The following SDHA variants were observed in gnomAD, a reference collection of about 807,000 sequenced individuals.
SDHA encodes the protein succinate dehydrogenase complex flavoprotein subunit A, also known as succinate dehydrogenase [ubiquinone] flavoprotein subunit, mitochondrial.
Under a neutral mutation model 78.4 loss-of-function variants are expected in SDHA, and 48 were observed. The observed-to-expected ratio is 0.61, with a 90% CI of 0.49 to 0.78. The LOEUF (loss-of-function observed/expected upper bound fraction) is 0.78. Ranked by LOEUF, SDHA falls within the 30% of genes least tolerant of loss-of-function variation. The pLI is 0.00. For synonymous variants in SDHA, 326 were observed against 353.9 expected (o/e 0.92, Z 0.88); for missense variants, 680 against 892.7 (o/e 0.76, Z 3.04).
intron 11 of SDHA, chr5:250,738 T>C (rs1044029597): frequency 1.3e-5 from 6 of 448,126 alleles, no homozygotes; most frequent in Non-Finnish European, 2.5e-5. Context: ...GGACCCTGGC[T>C]GTATCCTGCT....
intron 14 of SDHA, among the ~76,000 whole-genome samples, chr5:254,973 C>T (rs1737088359): frequency 6.6e-6 from 1 of 151,948 alleles, no homozygotes; most frequent in Non-Finnish European, 1.5e-5. Flanking sequence ...GTGGTGCAGC[C>T]TTTAGCATCC....
intron 11 of SDHA, among the ~76,000 whole-genome samples, chr5:245,395 C>T (rs529331975): frequency 1.1e-4 from 16 of 152,282 alleles, no homozygotes; most frequent in South Asian, 4.1e-4. Flanking sequence ...ATTTACAATT[C>T]GTGCAGTAAA....
intron 6 of SDHA, among the ~76,000 whole-genome samples, chr5:228,688 T>C (rs1370572309): frequency 6.6e-6 from 1 of 152,208 alleles, no homozygotes. Context: ...TTGATACTGA[T>C]TCCTCGGGTG....
intron 6 of SDHA, among the ~76,000 whole-genome samples, chr5:230,069 C>A (rs180972590): frequency 4.6e-5 from 7 of 151,668 alleles, no homozygotes; most frequent in Admixed American, 4.6e-4. Flanking sequence ...TTGAAATTTG[C>A]GAAGATAGTA....
At chr5:235,123 G>T (rs1201003816) in intron 8 of SDHA, 21 bp from the exon 9 acceptor site, 1 of 1,612,392 alleles carries the variant, frequency 6.2e-7, no homozygotes, top group Non-Finnish European at 8.5e-7. Context: ...TGCCGTATGT[G>T]ATGGTGTTCT....
chr5:238,978 G>C (rs1279342877), intron 10 of SDHA, among the ~76,000 whole-genome samples: 2 of 151,530 alleles, frequency 1.3e-5, no homozygotes, highest in African/African-American at 4.9e-5. Flanking sequence ...AAAAGAAAAA[G>C]TAAATTGTAG....
intron 11 of SDHA, among the ~76,000 whole-genome samples, chr5:243,778 C>T (rs982178824): frequency 5.9e-5 from 9 of 152,142 alleles, no homozygotes; most frequent in African/African-American, 1.7e-4. Flanking sequence ...AGGGAAAGCA[C>T]ACTTAGTTGA....
chr5:242,701 A>G (rs115754026), intron 11 of SDHA, among the ~76,000 whole-genome samples: 314 of 152,240 alleles, frequency 2.1e-3, no homozygotes, highest in African/African-American at 7.1e-3. Flanking sequence ...GGGTCACCGG[A>G]GCGATGGAGA....
chr5:251,183 G>A, intron 12 of SDHA, 80 bp downstream of exon 12: 1 of 1,546,262 alleles, frequency 6.5e-7, no homozygotes, highest in South Asian at 1.1e-5. Flanking sequence ...CGTCAGTGCT[G>A]ACTTAGTTCC....
intron 11 of SDHA, among the ~76,000 whole-genome samples, chr5:245,067 G>A (rs908828957): frequency 6.6e-5 from 10 of 152,194 alleles, no homozygotes; most frequent in Non-Finnish European, 7.3e-5. Flanking sequence ...AGCCAATTTG[G>A]ATAGAACAAT....
rs1222778933 is a variant in SDHA at position 250,989 on chromosome 5, C to T, written c.1552-3C>T. ...AGTTTACAAATAATATTTTGTGCCACAGTCAATGCAAAATCATGCTGCCGT... is the reference window on the plus strand; with the variant it reads ...AGTTTACAAATAATATTTTGTGCCATAGTCAATGCAAAATCATGCTGCCGT... On this transcript the variant is annotated splice_region_variant and splice_polypyrimidine_tract_variant and intron_variant, in intron 11 of 14. Transcript: ENST00000264932. 3 of 1,610,908 alleles carry T rather than the reference C, an allele frequency of 1.9e-6. No individual in the cohort carries two copies. Among genetic ancestry groups the T allele is most frequent in the Admixed American group, 3.3e-5 (2 of 60,000 alleles).
chr5:261,104 A>C (rs1443017067), downstream of SDHA, among the ~76,000 whole-genome samples: 1 of 8,714 alleles, frequency 1.1e-4, no homozygotes, highest in Non-Finnish European at 2.4e-4. Context: ...GCCTCCCGTC[A>C]CAGCATTACC....
intron 11 of SDHA, among the ~76,000 whole-genome samples, chr5:244,590 G>A (rs1736337142): frequency 6.6e-6 from 1 of 152,094 alleles, no homozygotes; most frequent in Admixed American, 6.5e-5. Flanking sequence ...AACTATTCAG[G>A]GAAAGAAATT....
chr5:235,126 G>T lies in SDHA; in HGVS notation c.1065-18G>T. On this transcript the variant is annotated intron_variant, in intron 8 of 14. Coordinates refer to ENST00000264932, the MANE Select transcript of SDHA (RefSeq NM_004168.4). The stretch of plus-strand genomic sequence containing the variant: ...GTTGCCGTTCTCTGCCGTATGTGAT[G>T]GTGTTCTGTCTTACCAGAGGCTGTG... 1 of 1,612,584 alleles carries T rather than the reference G, an allele frequency of 6.2e-7. No homozygotes were observed. The highest frequency in any genetic ancestry group is 8.5e-7 in the Non-Finnish European group (1 of 1,178,616).
intron 5 of SDHA, among the ~76,000 whole-genome samples, chr5:227,034 G>A (rs1438246170): frequency 1.3e-5 from 2 of 150,536 alleles, no homozygotes; most frequent in Non-Finnish European, 2.9e-5. Flanking sequence ...TTTTTGAGAC[G>A]GAGTCTCACT....
Position 225,879 on chromosome 5 carries a change from A to G in SDHA, c.457-4A>G, listed in dbSNP as rs770052391. On this transcript the variant is annotated splice_region_variant and splice_polypyrimidine_tract_variant and intron_variant, in intron 4 of 14. Coordinates refer to ENST00000264932, the MANE Select transcript of SDHA (RefSeq NM_004168.4). Reference sequence around the variant, plus strand: ...AGGTTTTTGTTTGTTTTTATCTTTCACAGCTAGAAAATTATGGCATGCCGT... The same window carrying G: ...AGGTTTTTGTTTGTTTTTATCTTTCGCAGCTAGAAAATTATGGCATGCCGT... 11 of 1,612,384 alleles carry G rather than the reference A, an allele frequency of 6.8e-6. No homozygotes were observed. The highest frequency in any genetic ancestry group is 6.7e-5 in the African/African-American group (5 of 74,866).
intron 8 of SDHA, 159 bp from the exon 9 acceptor site, chr5:234,985 C>G (rs1157309860): frequency 4.0e-6 from 3 of 742,840 alleles, no homozygotes; most frequent in Non-Finnish European, 7.2e-6. Flanking sequence ...CACACAGTAG[C>G]TGCTTAGAAA....
At chr5:264,974 G>A in the SDHA span, among the ~76,000 whole-genome samples, 4 of 152,330 alleles carry the variant, frequency 2.6e-5, no homozygotes, top group South Asian at 2.1e-4. Context: ...TTGGGAGGCC[G>A]AGGTGGACAG....
At chr5:221,417 G>C (rs1162232562) in intron 1 of SDHA, among the ~76,000 whole-genome samples, 3 of 152,126 alleles carry the variant, frequency 2.0e-5, no homozygotes, top group Non-Finnish European at 4.4e-5. Context: ...GTTCTTCGTT[G>C]GCTGCTTTTG....
Sources: allele counts gnomAD v4.1 joint callset (sites outside exome capture counted in the v4.1 genomes callset), GRCh38; gene constraint gnomAD v4.1.1; transcripts MANE v1.5; gene names NCBI Gene and HGNC (gene_info 2026-07-23, HGNC 2026-07-21).